MAP4K1: variants seen among roughly 807,000 people sequenced by gnomAD.
MAP4K1 encodes mitogen-activated protein kinase kinase kinase kinase 1, also known as MAPK/ERK kinase kinase kinase 1.
MAP4K1 carries 35 observed loss-of-function variants against 122.8 expected under a neutral mutation model. That is an observed-to-expected ratio of 0.29 (90% CI 0.22 to 0.38). The LOEUF (loss-of-function observed/expected upper bound fraction) is 0.38, where lower values mean the gene tolerates loss of function less well. MAP4K1 is among the 10% of genes least tolerant of loss of function. The pLI is 1.00. For synonymous variants in MAP4K1, 412 were observed against 421.3 expected (o/e 0.98, Z 0.27); for missense variants, 791 against 1,072.6 (o/e 0.74, Z 3.67).
At position 38,617,413 on chromosome 19, in the gene MAP4K1, G is replaced by A; in HGVS notation, c.189C>T (p.Ile63=). Residue 63 remains isoleucine, a synonymous_variant, in exon 3 of 31, where the codon ATC becomes ATT. Transcript: ENST00000396857. The surrounding 1 kb of genome is among the most constrained non-coding windows in gnomAD (Gnocchi z 4.1). ...DDDVSTLQKE[I]LILKTCRHAN... ...CGTGCCGGCAAGTTTTCAATATGAG[G>A]ATTTCCTTCTGAAGGGTGGAGACAT... 1 of 1,613,876 alleles carries A rather than the reference G, an allele frequency of 6.2e-7. No homozygotes were observed. The highest frequency in any genetic ancestry group is 8.5e-7 in the Non-Finnish European group (1 of 1,179,892).
chr19:38,587,935 G>A (rs1599680917), intron 30 of MAP4K1, 118 bp from the exon 31 acceptor site: 13 of 751,962 alleles, frequency 1.7e-5, no homozygotes, highest in South Asian at 1.6e-4. Context: ...AGCAGTGAAT[G>A]GGCAGACACG....
chr19:38,589,386 A>G, intron 30 of MAP4K1: 1 of 185,176 alleles, frequency 5.4e-6, no homozygotes, highest in Non-Finnish European at 1.2e-5. Context: ...CAGACTATTT[A>G]CCTCGTCTCA....
Position 38,595,974 on chromosome 19 carries a change from T to A in MAP4K1, c.2144A>T (p.Gln715Leu). ...CACCATCACCATATCTTCCTCTACC[T>A]GGGTCACCTGCACGGGTCCCCTGTG... is the stretch of plus-strand genomic sequence containing the variant. ...TEHRGPVQVT[Q>L]VEEDMVMVLM... The change falls in exon 27 of 31, where the codon CAG (glutamine) becomes CTG (leucine). Residue 715 changes from glutamine to leucine, a missense_variant. Gln to Leu is a moderately radical substitution (Grantham distance 113). Around this residue, in one of 4 missense-constraint regions of MAP4K1, gnomAD observed 267 missense variants for 323.0 expected, o/e 0.83. Transcript: ENST00000396857. The A allele has an allele frequency of 6.2e-7, 1 of 1,614,002 alleles. No homozygotes were observed.
chr19:38,613,830 A>G (rs1975569355), intron 8 of MAP4K1, 50 bp downstream of exon 8: 1 of 1,479,210 alleles, frequency 6.8e-7, no homozygotes, highest in Non-Finnish European at 9.2e-7. Context: ...AGGGTAGGAA[A>G]AACCACTGAC....
chr19:38,608,604 T>A (rs1057261485), intron 13 of MAP4K1, among the ~76,000 whole-genome samples: 2 of 151,842 alleles, frequency 1.3e-5, no homozygotes, highest in Admixed American at 6.6e-5. Flanking sequence ...ATGATCAGCC[T>A]GGTCAACATG....
intron 20 of MAP4K1, 39 bp from the exon 21 acceptor site, chr19:38,600,192 C>A: frequency 6.4e-7 from 1 of 1,568,600 alleles, no homozygotes; most frequent in Non-Finnish European, 8.8e-7. Flanking sequence ...CGACTTCATC[C>A]TCAGGGACCT....
rs377411212 is a variant in MAP4K1 at position 38,612,664 on chromosome 19, C to T, written c.612G>A (p.Thr204=). 7.4e-5 allele frequency: 120 copies of T among 1,613,682 alleles called. No homozygotes were observed. The African/African-American group carries it at 1.1e-3, about 14-fold the overall frequency. Residue 204 remains threonine, a synonymous_variant, in exon 9 of 31, where the codon ACG becomes ACA. Transcript: ENST00000396857. The part of the protein sequence containing the change: ...ELCDIWSLGI[T]AIELAELQPP... Reference sequence around the variant, plus strand: ...GCTGTAGCTCGGCCAGTTCGATGGCCGTGATGCCCAGGGACCAGATGTCAC... The same window carrying T: ...GCTGTAGCTCGGCCAGTTCGATGGCTGTGATGCCCAGGGACCAGATGTCAC...
chr19:38,595,637 G>C lies in MAP4K1; in HGVS notation c.2269+3C>G. ...TCCTGGGCTCTCCCGTCCCTGCACAGACCCACGGCCTCCACCGCTTCGGTC... is the reference window on the plus strand; with the variant it reads ...TCCTGGGCTCTCCCGTCCCTGCACACACCCACGGCCTCCACCGCTTCGGTC... On this transcript the variant is annotated splice_donor_region_variant and intron_variant, in intron 28 of 30. Transcript: ENST00000396857. 1 of 1,613,852 alleles carries C rather than the reference G, an allele frequency of 6.2e-7. No individual in the cohort carries two copies. Among genetic ancestry groups the C allele is most frequent in the Non-Finnish European group, 8.5e-7 (1 of 1,179,836 alleles).
intron 26 of MAP4K1, 110 bp from the exon 27 acceptor site, chr19:38,596,111 A>G: frequency 7.4e-7 from 1 of 1,356,518 alleles, no homozygotes; most frequent in Non-Finnish European, 1.0e-6. Context: ...TTCACAAGCA[A>G]GTGGGCTAAA....
chr19:38,609,440 G>A lies in MAP4K1; in HGVS notation c.1006+156C>T, dbSNP rs73552628. 5.0e-3 allele frequency among the ~76,000 whole-genome samples: 759 copies of A among 152,056 alleles called. 1 individual carries two copies. The highest frequency in any genetic ancestry group is 0.018 in the African/African-American group (730 of 41,498). On this transcript the variant is annotated intron_variant, in intron 13 of 30. Coordinates refer to ENST00000396857, the MANE Select transcript of MAP4K1 (RefSeq NM_001042600.3). ...ATGAGTCACCACGCCTGGCCTCTAC[G>A]GTCATTTTGTAGTTCAGGTGCTGAT...
chr19:38,594,816 C>T (rs1489978342), intron 29 of MAP4K1, among the ~76,000 whole-genome samples: 1 of 151,812 alleles, frequency 6.6e-6, no homozygotes, highest in Non-Finnish European at 1.5e-5. Flanking sequence ...CGGCATGCAC[C>T]TGTAGTCTCA....
rs545104662 is a variant in MAP4K1 at position 38,609,870 on chromosome 19, C to T, written c.927+39G>A. On this transcript the variant is annotated intron_variant, in intron 12 of 30. Coordinates refer to ENST00000396857, the MANE Select transcript of MAP4K1 (RefSeq NM_001042600.3). ...GCAGCAGGCACAGCCTGAGAAAGAC[C>T]GAGAGGTCCCCAGTGCTCTTGTCAG... 1.3e-5 allele frequency: 21 copies of T among 1,562,072 alleles called. No homozygotes were observed. The Admixed American group carries it at 1.7e-4, about 12-fold the overall frequency.
Position 38,613,942 on chromosome 19 carries a change from G to A in MAP4K1, c.471C>T (p.Gly157=), listed in dbSNP as rs1249529167. Residue 157 remains glycine, a synonymous_variant, in exon 8 of 31, where the codon GGC becomes GGT. Coordinates refer to ENST00000396857, the MANE Select transcript of MAP4K1 (RefSeq NM_001042600.3). ...DAGEVRLADF[G]ISAQIGATLA... is the part of the protein sequence containing the mutation. ...GTGTAGCCCCAATCTGGGCCGAGAT[G>A]CCAAAGTCAGCTGGAAGCAGAGGGA... is the stretch of plus-strand genomic sequence containing the variant. 2 of 1,614,046 alleles carry A rather than the reference G, an allele frequency of 1.2e-6. No homozygotes were observed. Among genetic ancestry groups the A allele is most frequent in the South Asian group, 1.1e-5 (1 of 91,076 alleles).
At chr19:38,593,441 GC>G (rs1287874021) in intron 29 of MAP4K1, 104 bp from the exon 30 acceptor site, 1 of 1,019,366 alleles carries the variant, frequency 9.8e-7, no homozygotes, top group Non-Finnish European at 1.4e-6. Context: ...GGTGGCTCAC[GC>G]CTGTAATCCC....
At position 38,617,945 on chromosome 19, in the gene MAP4K1, G is replaced by A. The variant is rs371787792; in HGVS notation, c.-50C>T. 2.6e-5 allele frequency: 39 copies of A among 1,520,764 alleles called. No homozygotes were observed. The African/African-American group carries it at 4.4e-4, about 17-fold the overall frequency. The allele number at this position is 1,520,764 out of a possible 1,614,324, so 94.2% of individuals were successfully genotyped here. A position where few individuals can be genotyped will look rare whatever the true frequency, so the allele number is the denominator to read the frequency against. On this transcript the variant is annotated 5_prime_UTR_variant, in exon 1 of 31. Coordinates refer to ENST00000396857, the MANE Select transcript of MAP4K1 (RefSeq NM_001042600.3). The surrounding 1 kb of genome is among the most constrained non-coding windows in gnomAD (Gnocchi z 4.1). ...CGCCCAGGGGCCAGCAGGGCCTCAG[G>A]GCTCAACTTCTGGCACCTCCCTCCG...
chr19:38,617,657 C>A lies in MAP4K1; in HGVS notation c.100-32G>T. On this transcript the variant is annotated intron_variant, in intron 1 of 30. Transcript: ENST00000396857. This position sits in a 1 kb window ranked among gnomAD's most constrained non-coding sequence, Gnocchi z 4.1. ...AAGGGGAAGTTGGCAGTCAGGCAGG[C>A]TCCATTTGCCAGAGTCCCTCCACAG... is the stretch of plus-strand genomic sequence containing the variant. 6.2e-7 allele frequency: 1 copy of A among 1,613,418 alleles called. No homozygotes were observed. The highest frequency in any genetic ancestry group is 8.5e-7 in the Non-Finnish European group (1 of 1,179,376).
intron 25 of MAP4K1, 128 bp downstream of exon 25, chr19:38,596,906 G>T (rs1974905623): frequency 1.2e-6 from 1 of 855,642 alleles, no homozygotes; most frequent in Middle Eastern, 3.3e-4. Context: ...GGTGGGCGGG[G>T]CCTCGGGAGA....
intron 19 of MAP4K1, 48 bp from the exon 20 acceptor site, chr19:38,601,573 AGGG>A: frequency 3.5e-6 from 5 of 1,445,186 alleles, no homozygotes; most frequent in Non-Finnish European, 4.8e-6. Flanking sequence ...CAAAGAGAGC[AGGG>A]AACAGGAAGG....
intron 30 of MAP4K1, among the ~76,000 whole-genome samples, chr19:38,588,755 A>G (rs1974609995): frequency 6.6e-6 from 1 of 151,354 alleles, no homozygotes; most frequent in East Asian, 1.9e-4. Flanking sequence ...CTGTCTCAAA[A>G]AAAAAAAAAA....
Sources: gnomAD v4.1 joint callset for allele counts (sites outside exome capture counted in the v4.1 genomes callset) on GRCh38, gnomAD v4.1.1 for gene constraint, gnomAD v4.1.1 regional missense constraint, Gnocchi (gnomAD v3.1) non-coding constraint, MANE v1.5 for transcripts, NCBI Gene and HGNC (gene_info 2026-07-23, HGNC 2026-07-21) for gene names.